ROR1: variants seen among roughly 807,000 people sequenced by gnomAD.
ROR1 encodes the protein ROR family WNT receptor 1.
Under a neutral mutation model 78.8 loss-of-function variants are expected in ROR1, and 19 were observed. The ratio of observed to expected loss-of-function variants is 0.24; its 90% CI spans 0.17 to 0.35. The LOEUF is 0.35. ROR1 is among the 10% of genes least tolerant of loss of function. The pLI, the probability that ROR1 is intolerant of heterozygous loss-of-function variation, is 1.00. For missense variants in ROR1, 917 were observed against 1,177.8 expected, an observed-to-expected ratio of 0.78 and a Z score of 3.24; for synonymous variants, 386 against 433.6, an observed-to-expected ratio of 0.89 and a Z score of 1.36.
intron 1 of ROR1, among the ~76,000 whole-genome samples, chr1:64,001,981 G>A (rs1646387265): frequency 6.6e-6 from 1 of 152,074 alleles, no homozygotes; most frequent in South Asian, 2.1e-4. Flanking sequence ...GTCTCGTTGT[G>A]GTGGGGGTGG....
chr1:64,137,679 G>C (rs554664820), intron 5 of ROR1, among the ~76,000 whole-genome samples, 183 bp downstream of exon 5: 1 of 152,152 alleles, frequency 6.6e-6, no homozygotes, highest in South Asian at 2.1e-4. Flanking sequence ...TTTATTGAAG[G>C]TTGCTCTTAG....
Position 63,874,220 on chromosome 1 carries a change from A to C in ROR1, c.91+99712A>C, listed in dbSNP as rs191434827. On this transcript the variant is annotated intron_variant, in intron 1 of 8. Transcript: ENST00000371079. ...CATAATTACTCTCTTGTTTTAGAACACAAGTAGTCCTTTGGCATATTTTCA... is the reference window on the plus strand; with the variant it reads ...CATAATTACTCTCTTGTTTTAGAACCCAAGTAGTCCTTTGGCATATTTTCA... 2.4e-3 allele frequency among the ~76,000 whole-genome samples: 362 copies of C among 152,340 alleles called. 3 individuals are homozygous for C. The highest frequency in any genetic ancestry group is 4.0e-3 in the Non-Finnish European group (275 of 68,022).
At chr1:64,088,711 C>A (rs908295123) in intron 4 of ROR1, among the ~76,000 whole-genome samples, 9 of 152,000 alleles carry the variant, frequency 5.9e-5, no homozygotes, top group African/African-American at 2.2e-4. Context: ...AAATCAGGCC[C>A]AGAGAAATAT....
At chr1:63,923,173 T>G (rs1410693258) in intron 1 of ROR1, among the ~76,000 whole-genome samples, 1 of 152,182 alleles carries the variant, frequency 6.6e-6, no homozygotes, top group Non-Finnish European at 1.5e-5. Flanking sequence ...CTTCAGCCCC[T>G]CTTGGCTCAG....
intron 4 of ROR1, among the ~76,000 whole-genome samples, chr1:64,123,884 G>A (rs907024622): frequency 6.6e-6 from 1 of 152,044 alleles, no homozygotes; most frequent in Non-Finnish European, 1.5e-5. Context: ...ATTGTTTTGA[G>A]CCTAGAAAAA....
chr1:64,123,148 A>G (rs1648601697), intron 4 of ROR1, among the ~76,000 whole-genome samples: 1 of 151,850 alleles, frequency 6.6e-6, no homozygotes, highest in African/African-American at 2.4e-5. Flanking sequence ...TAAGCCTGCC[A>G]CTCTGGAAGG....
At chr1:63,976,136 C>G (rs1646158962) in intron 1 of ROR1, among the ~76,000 whole-genome samples, 1 of 152,164 alleles carries the variant, frequency 6.6e-6, no homozygotes, top group Admixed American at 6.5e-5. Context: ...CTAGATACCC[C>G]TGTGATACAC....
chr1:64,155,701 T>C lies in ROR1; in HGVS notation c.1175-3280T>C, dbSNP rs1649749957. Among the ~76,000 whole-genome samples the C allele has an allele frequency of 2.6e-5, 4 of 152,332 alleles. No individual in the cohort carries two copies. The South Asian group carries it at 8.3e-4, about 32-fold the overall frequency. On this transcript the variant is annotated intron_variant, in intron 7 of 8. Transcript: ENST00000371079. ...CAGGTGAGGCCCTACTTTCTCTTGT[T>C]GCTAAAAATCTGGCCTGGAAAAATG...
chr1:63,996,895 G>T (rs1646341427), intron 1 of ROR1, among the ~76,000 whole-genome samples: 1 of 152,090 alleles, frequency 6.6e-6, no homozygotes, highest in African/African-American at 2.4e-5. Flanking sequence ...GGGACCTTAG[G>T]CAAGTTCTCT....
At chr1:63,970,704 T>A (rs1646112371) in intron 1 of ROR1, among the ~76,000 whole-genome samples, 1 of 152,228 alleles carries the variant, frequency 6.6e-6, no homozygotes, top group Admixed American at 6.5e-5. Context: ...ACTGACAGCG[T>A]CTTCTGCCAG....
chr1:64,080,555 T>C (rs1647092687), intron 4 of ROR1, among the ~76,000 whole-genome samples: 1 of 152,224 alleles, frequency 6.6e-6, no homozygotes, highest in Non-Finnish European at 1.5e-5. Flanking sequence ...ATCCCGTTCT[T>C]CATGCTGTAG....
intron 1 of ROR1, among the ~76,000 whole-genome samples, chr1:63,994,245 G>A (rs1316661591): frequency 6.6e-6 from 1 of 151,364 alleles, no homozygotes; most frequent in Non-Finnish European, 1.5e-5. Flanking sequence ...TTACTATATT[G>A]TAGCCCTTTG....
chr1:64,150,273 T>A (rs1388770198), intron 7 of ROR1, among the ~76,000 whole-genome samples: 1 of 152,244 alleles, frequency 6.6e-6, no homozygotes, highest in Non-Finnish European at 1.5e-5. Context: ...GGTGAACCAT[T>A]TGGCTCCATT....
chr1:64,155,858 T>A (rs1348452864), intron 7 of ROR1, among the ~76,000 whole-genome samples: 1 of 152,184 alleles, frequency 6.6e-6, no homozygotes, highest in Non-Finnish European at 1.5e-5. Flanking sequence ...ATGAAAATGG[T>A]TTATAATGTT....
intron 8 of ROR1, among the ~76,000 whole-genome samples, chr1:64,170,380 T>C (rs1650202306): frequency 6.6e-6 from 1 of 152,172 alleles, no homozygotes; most frequent in African/African-American, 2.4e-5. Context: ...GCACGAGCTG[T>C]ACCTTGACCC....
At chr1:64,147,851 A>G (rs1005365722) in intron 7 of ROR1, among the ~76,000 whole-genome samples, 2 of 152,132 alleles carry the variant, frequency 1.3e-5, no homozygotes, top group Non-Finnish European at 2.9e-5. Context: ...GGGCAATTTC[A>G]TCTTCCAGGG....
intron 1 of ROR1, among the ~76,000 whole-genome samples, chr1:63,855,735 G>A (rs1023064264): frequency 1.0e-4 from 15 of 150,194 alleles, no homozygotes; most frequent in African/African-American, 2.9e-4. Context: ...TGCAACCTCC[G>A]CCTCCCTGGT....
At chr1:63,983,117 C>A (rs1646223389) in intron 1 of ROR1, among the ~76,000 whole-genome samples, 1 of 152,118 alleles carries the variant, frequency 6.6e-6, no homozygotes, top group African/African-American at 2.4e-5. Context: ...AACTAAGGTC[C>A]TCCAATGTGC....
At chr1:64,122,230 C>T (rs1214179498) in intron 4 of ROR1, among the ~76,000 whole-genome samples, 1 of 152,184 alleles carries the variant, frequency 6.6e-6, no homozygotes, top group Non-Finnish European at 1.5e-5. Context: ...CAGTAGGAGT[C>T]ATCAATGCAA....
Sources: allele counts gnomAD v4.1 joint callset (sites outside exome capture counted in the v4.1 genomes callset), GRCh38; gene constraint gnomAD v4.1.1; transcripts MANE v1.5; gene names NCBI Gene and HGNC (gene_info 2026-07-23, HGNC 2026-07-21).